The following ABCB6 variants were observed in gnomAD, a reference collection of about 807,000 sequenced individuals.
The protein encoded by ABCB6 is ATP-binding cassette sub-family B member 6.
Under a neutral mutation model 99.4 loss-of-function variants are expected in ABCB6, and 87 were observed. That is an observed-to-expected ratio of 0.88 (90% CI 0.74 to 1.05). ABCB6 has a LOEUF of 1.05. Ranked by LOEUF, ABCB6 falls within the 50% of genes least tolerant of loss-of-function variation. The pLI is 0.00. For synonymous variants in ABCB6, 482 were observed against 447.5 expected, an observed-to-expected ratio of 1.08 and a Z score of -0.97; for missense variants, 1,050 against 1,097.9, an observed-to-expected ratio of 0.96 and a Z score of 0.62.
chr2:219,216,498 G>C lies in ABCB6; in HGVS notation c.869-33C>G, dbSNP rs1430616996. On this transcript the variant is annotated intron_variant, in intron 3 of 18. Transcript: ENST00000265316. The surrounding 1 kb of genome is among the most constrained non-coding windows in gnomAD (Gnocchi z 4.2). ...GGAAACGAGTCAGAACCCACTTATG[G>C]CGCCCAGGACTCTCTTCAGGCAAAA... The C allele has an allele frequency of 6.2e-7, 1 of 1,605,802 alleles. No homozygotes were observed. Among genetic ancestry groups the C allele is most frequent in the Admixed American group, 1.7e-5 (1 of 59,832 alleles).
chr2:219,215,840 T>C, intron 5 of ABCB6, 157 bp downstream of exon 5: 1 of 731,994 alleles, frequency 1.4e-6, no homozygotes, highest in Non-Finnish European at 2.0e-6. Context: ...TTACCTAAGT[T>C]ATTAGGAGAG....
intron 5 of ABCB6, chr2:219,215,594 A>T (rs555619182): frequency 5.9e-6 from 1 of 168,992 alleles, no homozygotes; most frequent in African/African-American, 2.4e-5. Flanking sequence ...TCTAATAATT[A>T]GCCAGGCATG....
chr2:219,210,979 C>G lies in ABCB6; in HGVS notation c.2098G>C (p.Ala700Pro). ...TAGNDEVEAA[A>P]QAAGIHDAIM... ...GCATCATGGATGCCTGCAGCCTGAGCAGCAGCCTCCACCTCATCATTCCCA... is the reference window on the plus strand; with the variant it reads ...GCATCATGGATGCCTGCAGCCTGAGGAGCAGCCTCCACCTCATCATTCCCA... Residue 700 changes from alanine (A) to proline (P), a missense_variant, in exon 15 of 19, where the codon GCT becomes CCT. Physicochemically the swap from Ala to Pro is conservative, Grantham distance 27. Coordinates refer to ENST00000265316, the MANE Select transcript of ABCB6 (RefSeq NM_005689.4). The G allele has an allele frequency of 6.2e-7, 1 of 1,614,218 alleles. No individual in the cohort carries two copies. Among genetic ancestry groups the G allele is most frequent in the Non-Finnish European group, 8.5e-7 (1 of 1,180,040 alleles).
Position 219,218,793 on chromosome 2 carries a change from G to A in ABCB6, c.-120C>T, listed in dbSNP as rs1950684189. The stretch of plus-strand genomic sequence containing the variant: ...GGCTCACGTAGCCGCTGGGCGCCAA[G>A]CTGCGGGGGTCCCGGGAAGGGACGC... On this transcript the variant is annotated 5_prime_UTR_variant, in exon 1 of 19. Transcript: ENST00000265316. 2 of 1,153,854 alleles carry A rather than the reference G, an allele frequency of 1.7e-6. No individual in the cohort carries two copies. The highest frequency in any genetic ancestry group is 1.2e-6 in the Non-Finnish European group (1 of 848,416). 71.5% of individuals were successfully genotyped at this position (1,153,854 alleles called of 1,614,324 possible).
Position 219,214,421 on chromosome 2 carries a change from G to A in ABCB6, c.1354C>T (p.Arg452Ter), listed in dbSNP as rs759414018. 1.2e-5 allele frequency: 20 copies of A among 1,613,968 alleles called. No homozygotes were observed. Among genetic ancestry groups the A allele is most frequent in the East Asian group, 2.2e-5 (1 of 44,886 alleles). The change falls in exon 7 of 19, where the codon CGA becomes TGA. Residue 452 changes from arginine to a stop codon, truncating the protein, a stop_gained. Coordinates refer to ENST00000265316, the MANE Select transcript of ABCB6 (RefSeq NM_005689.4). LOFTEE classifies it high-confidence loss of function. Reference sequence around the variant, plus strand: ...AAGTTTAGCAGAGAGTCCACTGCTCGTGCCCGGGTAGCGTTCTCCTGTGTG... The same window carrying A: ...AAGTTTAGCAGAGAGTCCACTGCTCATGCCCGGGTAGCGTTCTCCTGTGTG... ...MNTQENATRARAVDSLLNFET... is the reference protein window; with the variant it reads ...MNTQENATRA
At chr2:219,212,592 A>G in intron 13 of ABCB6, 101 bp from the exon 14 acceptor site, 1 of 849,662 alleles carries the variant, frequency 1.2e-6, no homozygotes, top group Non-Finnish European at 1.9e-6. Flanking sequence ...GCGCGATCTC[A>G]GCTCACTAGA....
At position 219,216,899 on chromosome 2, in the gene ABCB6, C is replaced by T; in HGVS notation, c.688-67G>A. Reference sequence around the variant, plus strand: ...GTAAGTGCACTAGCCAGAAACCCTTCAGGGAAAAACCTATGGGGTTACAGC... The same window carrying T: ...GTAAGTGCACTAGCCAGAAACCCTTTAGGGAAAAACCTATGGGGTTACAGC... On this transcript the variant is annotated intron_variant, in intron 2 of 18. Coordinates refer to ENST00000265316, the MANE Select transcript of ABCB6 (RefSeq NM_005689.4). The surrounding 1 kb of genome is among the most constrained non-coding windows in gnomAD (Gnocchi z 4.2). 6.9e-7 allele frequency: 1 copy of T among 1,444,268 alleles called. No individual in the cohort carries two copies. The highest frequency in any genetic ancestry group is 9.3e-7 in the Non-Finnish European group (1 of 1,078,128). The allele number at this position is 1,444,268 out of a possible 1,614,324, so 89.5% of individuals were successfully genotyped here. A position where few individuals can be genotyped will look rare whatever the true frequency, so the allele number is the denominator to read the frequency against.
At chr2:219,214,856 C>T in intron 6 of ABCB6, 105 bp downstream of exon 6, 1 of 1,407,348 alleles carries the variant, frequency 7.1e-7, no homozygotes, top group Non-Finnish European at 9.8e-7. Context: ...TCAAGTCCAC[C>T]AATCCACAGC....
At chr2:219,212,533 T>G in intron 13 of ABCB6, 42 bp from the exon 14 acceptor site, 1 of 1,527,752 alleles carries the variant, frequency 6.5e-7, no homozygotes, top group Non-Finnish European at 9.0e-7. Context: ...CCCACTGGCT[T>G]TTTTTTTGAG....
At chr2:219,211,450 T>A (rs759327608) in intron 14 of ABCB6, among the ~76,000 whole-genome samples, 100 of 151,870 alleles carry the variant, frequency 6.6e-4, no homozygotes, top group Non-Finnish European at 1.3e-3. Context: ...CCACAGGTGC[T>A]TGAGACTACG....
rs1290495042 is a variant in ABCB6 at position 219,216,735 on chromosome 2, T to C, written c.785A>G (p.Gln262Arg). ...CCCCAGGCAGATGAGCACCACCAGC[T>C]GCAGAGCTGGACTCCCTCGAGGCCA... ...YLWPRGSPAL[Q>R]LVVLICLGLM... Residue 262 changes from glutamine to arginine, a missense_variant, in exon 3 of 19, where the codon CAG (glutamine) becomes CGG (arginine). Transcript: ENST00000265316. This position sits in a 1 kb window ranked among gnomAD's most constrained non-coding sequence, Gnocchi z 4.2. 4.4e-6 allele frequency: 7 copies of C among 1,608,036 alleles called. No homozygotes were observed. Among genetic ancestry groups the C allele is most frequent in the Non-Finnish European group, 5.9e-6 (7 of 1,177,472 alleles).
At chr2:219,212,249 T>C in intron 14 of ABCB6, 138 bp downstream of exon 14, 1 of 675,916 alleles carries the variant, frequency 1.5e-6, no homozygotes, top group Non-Finnish European at 2.6e-6. Flanking sequence ...ACTTTACTTG[T>C]GTGACTGTAG....
In ABCB6 at chr2:219,210,989, C is replaced by G; in HGVS notation, c.2088G>C (p.Val696=). ...YGRVTAGNDE[V]EAAAQAAGIH... Reference sequence around the variant, plus strand: ...TGCCTGCAGCCTGAGCAGCAGCCTCCACCTCATCATTCCCAGCTGTGACAC... The same window carrying G: ...TGCCTGCAGCCTGAGCAGCAGCCTCGACCTCATCATTCCCAGCTGTGACAC... The change falls in exon 15 of 19, where the codon GTG becomes GTC. Residue 696 remains valine (V), a synonymous_variant. Transcript: ENST00000265316. The G allele has an allele frequency of 6.2e-7, 1 of 1,614,210 alleles. No homozygotes were observed. Among genetic ancestry groups the G allele is most frequent in the Non-Finnish European group, 8.5e-7 (1 of 1,180,038 alleles).
rs1451494133 is a variant in ABCB6, at chr2:219,213,068, G to A, written c.1806-3C>T. 1 of 1,613,808 alleles carries A rather than the reference G, an allele frequency of 6.2e-7. No homozygotes were observed. Among genetic ancestry groups the A allele is most frequent in the Non-Finnish European group, 8.5e-7 (1 of 1,179,836 alleles). On this transcript the variant is annotated splice_region_variant and splice_polypyrimidine_tract_variant and intron_variant, in intron 12 of 18. Transcript: ENST00000265316. Reference sequence around the variant, plus strand: ...ACACGTCCTGCAGAGTCTCCCGCCTGCAAGGAAAGGTGGGGTTGCTCAGCA... The same window carrying A: ...ACACGTCCTGCAGAGTCTCCCGCCTACAAGGAAAGGTGGGGTTGCTCAGCA...
rs750962689 is a variant in ABCB6, at chr2:219,209,966, T to A, written c.2501A>T (p.Asp834Val). 6.2e-6 allele frequency: 10 copies of A among 1,614,054 alleles called. No individual in the cohort carries two copies. The highest frequency in any genetic ancestry group is 7.6e-6 in the Non-Finnish European group (9 of 1,180,028). Residue 834 changes from aspartate to valine, a missense_variant, in exon 19 of 19, where the codon GAC (aspartate) becomes GTC (valine). Physicochemically the swap from Asp to Val is radical, Grantham distance 152. Coordinates refer to ENST00000265316, the MANE Select transcript of ABCB6 (RefSeq NM_005689.4). ...CCGTTCCATGGTCTGAGGCTTAGTG[T>A]CTTCAGAGGTTTCTTCCTGTCCCTG... is the stretch of plus-strand genomic sequence containing the variant. The part of the protein sequence containing the change: ...LQQGQEETSE[D>V]TKPQTMER
At position 219,216,915 on chromosome 2, in the gene ABCB6, G is replaced by T; in HGVS notation, c.688-83C>A. On this transcript the variant is annotated intron_variant, in intron 2 of 18. Coordinates refer to ENST00000265316, the MANE Select transcript of ABCB6 (RefSeq NM_005689.4). This position sits in a 1 kb window ranked among gnomAD's most constrained non-coding sequence, Gnocchi z 4.2. ...GAAACCCTTCAGGGAAAAACCTATG[G>T]GGTTACAGCTCCCAGGTATCTCAGA... 7.8e-7 allele frequency: 1 copy of T among 1,281,322 alleles called. No homozygotes were observed. Among genetic ancestry groups the T allele is most frequent in the South Asian group, 1.5e-5 (1 of 66,508 alleles). The allele number at this position is 1,281,322 out of a possible 1,614,324, so 79.4% of individuals were successfully genotyped here.
chr2:219,218,621 C>T lies in ABCB6; in HGVS notation c.53G>A (p.Trp18Ter). The T allele has an allele frequency of 6.2e-7, 1 of 1,607,044 alleles. No homozygotes were observed. The highest frequency in any genetic ancestry group is 8.5e-7 in the Non-Finnish European group (1 of 1,177,418). The stretch of plus-strand genomic sequence containing the variant: ...GCAGGGACTCAGGCCATCCTGCATC[C>T]AGGCCGGACCCACGGGCCCTTCGGC... ...CEAEGPVGPA[W>*]MQDGLSPCFF... is the part of the protein sequence containing the mutation. Residue 18 changes from tryptophan (W) to a stop codon, truncating the protein, a stop_gained, in exon 1 of 19, where the codon TGG becomes TAG. Transcript: ENST00000265316. LOFTEE classifies it high-confidence loss of function.
In ABCB6 at chr2:219,214,101, C is replaced by A. The variant is rs1360924445; in HGVS notation, c.1452+20G>T. 1.2e-6 allele frequency: 2 copies of A among 1,613,992 alleles called. No individual in the cohort carries two copies. Among genetic ancestry groups the A allele is most frequent in the Non-Finnish European group, 1.7e-6 (2 of 1,179,896 alleles). ...AGGCCAGGGCATTATTCTCCGGAGG[C>A]CTCAAACTAGCATCCTCACCTGATA... On this transcript the variant is annotated intron_variant, in intron 8 of 18. Coordinates refer to ENST00000265316, the MANE Select transcript of ABCB6 (RefSeq NM_005689.4).
In ABCB6 at chr2:219,218,289, G is replaced by A; in HGVS notation, c.385C>T (p.Arg129Trp). ...GCCAGACGCTGCCGTGCCTGGCTCC[G>A]CTCCACGACAAGCAGCCACAGGCCA... ...ACGLWLLVVERSQARQRLAMG... is the reference protein window; with the variant it reads ...ACGLWLLVVEWSQARQRLAMG... The change falls in exon 1 of 19, where the codon CGG becomes TGG. Residue 129 changes from arginine to tryptophan, a missense_variant. Coordinates refer to ENST00000265316, the MANE Select transcript of ABCB6 (RefSeq NM_005689.4). 6.2e-7 allele frequency: 1 copy of A among 1,613,164 alleles called. No homozygotes were observed. Among genetic ancestry groups the A allele is most frequent in the Non-Finnish European group, 8.5e-7 (1 of 1,180,034 alleles).
Sources: allele counts gnomAD v4.1 joint callset (sites outside exome capture counted in the v4.1 genomes callset), GRCh38; gene constraint gnomAD v4.1.1; non-coding constraint Gnocchi (gnomAD v3.1); transcripts MANE v1.5; gene names NCBI Gene and HGNC (gene_info 2026-07-23, HGNC 2026-07-21).